RNF135: variants seen among roughly 807,000 people sequenced by gnomAD.
The protein encoded by RNF135 is E3 ubiquitin-protein ligase RNF135.
RNF135 carries 46 observed loss-of-function variants against 41.9 expected under a neutral mutation model. The ratio of observed to expected loss-of-function variants is 1.10; its 90% CI spans 0.87 to 1.40. The LOEUF (loss-of-function observed/expected upper bound fraction) is 1.40, where lower values mean the gene tolerates loss of function less well. RNF135 is among the 40% of genes most tolerant of loss of function. RNF135 has a pLI of 0.00. For missense variants in RNF135, 539 were observed against 549.8 expected (o/e 0.98, Z 0.20); for synonymous variants, 238 against 223.8 (o/e 1.06, Z -0.57).
chr17:30,980,630 T>C (rs1442172895), intron 1 of RNF135, among the ~76,000 whole-genome samples: 2 of 116,508 alleles, frequency 1.7e-5, no homozygotes, highest in Non-Finnish European at 3.7e-5. Flanking sequence ...GGCAGAGGGT[T>C]TCCTCACTTC....
upstream of RNF135, chr17:30,970,455 G>C (rs559963750): frequency 6.5e-6 from 1 of 153,106 alleles, no homozygotes; most frequent in Admixed American, 6.5e-5. Context: ...ACTCAACCTT[G>C]AATGCGCGTC....
At chr17:30,976,250 C>A (rs572377773) in intron 1 of RNF135, among the ~76,000 whole-genome samples, 11 of 152,126 alleles carry the variant, frequency 7.2e-5, no homozygotes, top group Admixed American at 2.0e-4. Context: ...GTGATCCACC[C>A]GCCTCGGCCT....
At chr17:30,990,761 C>T (rs1428369831) in intron 3 of RNF135, among the ~76,000 whole-genome samples, 1 of 152,096 alleles carries the variant, frequency 6.6e-6, no homozygotes, top group African/African-American at 2.4e-5. Flanking sequence ...TTGCTTTTGT[C>T]TTTTACTTTA....
the RNF135 span, among the ~76,000 whole-genome samples, chr17:30,962,590 C>A: frequency 0.2 from 29,768 of 152,060 alleles, 9,193 homozygotes; most frequent in African/African-American, 0.66. Context: ...CTCAGCCTCC[C>A]GAGTAGCTGG....
At chr17:30,959,455 G>C in the RNF135 span, 4 of 152,170 alleles carry the variant, frequency 2.6e-5, no homozygotes, top group African/African-American at 9.7e-5. Flanking sequence ...GACAGATAAA[G>C]TTCTCTAAAA....
chr17:30,962,898 G>A, the RNF135 span, among the ~76,000 whole-genome samples: 1 of 152,256 alleles, frequency 6.6e-6, no homozygotes, highest in Non-Finnish European at 1.5e-5. Context: ...TGATGTATGA[G>A]AGTTCCAGTT....
intron 1 of RNF135, chr17:30,975,724 T>C: frequency 7.1e-7 from 1 of 1,404,946 alleles, no homozygotes; most frequent in African/African-American, 1.4e-5. Context: ...TGCCCAACAC[T>C]GCTCACCTGA....
intron 3 of RNF135, among the ~76,000 whole-genome samples, chr17:30,995,026 T>C (rs1206603456): frequency 6.6e-6 from 1 of 152,094 alleles, no homozygotes; most frequent in African/African-American, 2.4e-5. Context: ...CACTGTAACC[T>C]CAATCCTCCT....
intron 1 of RNF135, among the ~76,000 whole-genome samples, chr17:30,983,353 A>ATATATATTTTTTTTT (rs1420453160): frequency 2.2e-4 from 8 of 35,732 alleles, no homozygotes; most frequent in Non-Finnish European, 4.3e-4. Context: ...ATATATATAT[A>ATATATATTTTTTTTT]TTTTTTTTTT....
intron 2 of RNF135, 97 bp downstream of exon 2, chr17:30,984,857 C>T: frequency 4.8e-6 from 6 of 1,252,888 alleles, no homozygotes; most frequent in Non-Finnish European, 7.0e-6. Context: ...CTGAAGGATA[C>T]AATAAGTCTC....
At chr17:30,962,965 G>A in the RNF135 span, among the ~76,000 whole-genome samples, 2 of 152,036 alleles carry the variant, frequency 1.3e-5, no homozygotes, top group South Asian at 2.1e-4. Context: ...GTTCTGATAG[G>A]TATGGAGTGG....
intron 1 of RNF135, among the ~76,000 whole-genome samples, chr17:30,984,243 T>A (rs369453491): frequency 3.9e-5 from 6 of 152,330 alleles, no homozygotes; most frequent in African/African-American, 1.4e-4. Flanking sequence ...ATGTCATAAA[T>A]TTTGCCCTAT....
In RNF135 at chr17:30,998,855, T is replaced by C. The variant is rs779064198; in HGVS notation, c.963T>C (p.Asn321=). 10 of 1,612,936 alleles carry C rather than the reference T, an allele frequency of 6.2e-6. No homozygotes were observed. The East Asian group carries it at 8.9e-5, about 14-fold the overall frequency. ...ATTACTGGGAAGTGGACACTAGGAA[T>C]TGCAGCCACTGGGCAGTTGGGGTGG... The part of the protein sequence containing the change: ...GKHYWEVDTR[N]CSHWAVGVAS... The change falls in exon 5 of 5, where the codon AAT becomes AAC. Residue 321 remains asparagine (N), a synonymous_variant. Transcript: ENST00000328381.
rs777157181 is a variant in RNF135, at chr17:30,998,766, T to A, written c.874T>A (p.Trp292Arg). 6.2e-6 allele frequency: 10 copies of A among 1,613,274 alleles called. No homozygotes were observed. Among genetic ancestry groups the A allele is most frequent in the Middle Eastern group, 1.7e-4 (1 of 6,046 alleles). ...GTCTCACCGCCCACAACCCTATCGC[T>A]GGAGCTGTGAGAGGTTTTCTACCAG... ...TVSHRPQPYR[W>R]SCERFSTSQV... is the part of the protein sequence containing the mutation. The change falls in exon 5 of 5, where the codon TGG (tryptophan) becomes AGG (arginine). Residue 292 changes from tryptophan to arginine, a missense_variant. Transcript: ENST00000328381.
chr17:30,989,119 C>T (rs1598097049), intron 3 of RNF135, among the ~76,000 whole-genome samples: 1 of 150,900 alleles, frequency 6.6e-6, no homozygotes, highest in South Asian at 2.1e-4. Flanking sequence ...CCTGTAATCC[C>T]AGTGCTTTGG....
intron 1 of RNF135, among the ~76,000 whole-genome samples, chr17:30,983,520 ATT>A (rs1907370632): frequency 6.7e-6 from 1 of 150,348 alleles, no homozygotes; most frequent in Non-Finnish European, 1.5e-5. Context: ...CACCTGGTGA[ATT>A]TTTGTATTTT....
intron 3 of RNF135, among the ~76,000 whole-genome samples, chr17:30,994,444 G>A (rs1908201959): frequency 6.6e-6 from 1 of 151,720 alleles, no homozygotes; most frequent in Non-Finnish European, 1.5e-5. Context: ...CAGCTACTTG[G>A]GAGGCTGAGG....
Position 30,971,590 on chromosome 17 carries a change from A to G in RNF135, c.372+145A>G, listed in dbSNP as rs1241870544. On this transcript the variant is annotated intron_variant, in intron 1 of 4. Coordinates refer to ENST00000328381, the MANE Select transcript of RNF135 (RefSeq NM_032322.4). The stretch of plus-strand genomic sequence containing the variant: ...CTAAAAGTCGAGTTCCGCTCTTCGG[A>G]GGCACTTTGGAAAGTTCATAAAAGT... 18 of 1,357,946 alleles carry G rather than the reference A, an allele frequency of 1.3e-5. No individual in the cohort carries two copies. The South Asian group carries it at 2.8e-4, about 21-fold the overall frequency. The allele number at this position is 1,357,946 out of a possible 1,614,324, so 84.1% of individuals were successfully genotyped here. A position where few individuals can be genotyped will look rare whatever the true frequency, so the allele number is the denominator to read the frequency against.
intron 1 of RNF135, among the ~76,000 whole-genome samples, chr17:30,983,980 A>G (rs946496653): frequency 2.0e-5 from 3 of 152,138 alleles, no homozygotes. Context: ...TGTTTTACCA[A>G]CCAAACAAGC....
Sources: gnomAD v4.1 joint callset for allele counts (sites outside exome capture counted in the v4.1 genomes callset) on GRCh38, gnomAD v4.1.1 for gene constraint, MANE v1.5 for transcripts, NCBI Gene and HGNC (gene_info 2026-07-23, HGNC 2026-07-21) for gene names.